The following GRID2IP variants were observed in gnomAD, a reference collection of about 807,000 sequenced individuals.
The protein encoded by GRID2IP is Grid2 interacting protein.
In GRID2IP, 78 loss-of-function variants were observed where a neutral mutation model predicts 114.3. The observed-to-expected ratio is 0.68, with a 90% CI of 0.57 to 0.82. The LOEUF (loss-of-function observed/expected upper bound fraction) is 0.82, where lower values mean the gene tolerates loss of function less well. GRID2IP is among the 40% of genes least tolerant of loss of function. The pLI is 0.00. For missense variants in GRID2IP, 1,727 were observed against 1,678.5 expected (o/e 1.03, Z -0.51); for synonymous variants, 809 against 724.0 (o/e 1.12, Z -1.89).
intron 1 of GRID2IP, among the ~76,000 whole-genome samples, chr7:6,541,127 C>T (rs1176783425): frequency 8.6e-5 from 13 of 151,928 alleles, no homozygotes; most frequent in Non-Finnish European, 1.9e-4. Flanking sequence ...TCAAGTGATC[C>T]TTCCACCACG....
At chr7:6,517,305 T>C (rs577169303) in intron 7 of GRID2IP, among the ~76,000 whole-genome samples, 337 of 151,690 alleles carry the variant, frequency 2.2e-3, no homozygotes, top group Non-Finnish European at 3.7e-3. Context: ...GATCTGCCCA[T>C]CTCAGCCTCC....
chr7:6,529,731 C>T (rs910651094), intron 2 of GRID2IP, among the ~76,000 whole-genome samples: 12 of 152,132 alleles, frequency 7.9e-5, no homozygotes, highest in Non-Finnish European at 1.5e-4. Context: ...TCACTATCCC[C>T]CCTGAGTGGC....
rs1779690431 is a variant in GRID2IP at position 6,534,472 on chromosome 7, A to G, written c.584+5246T>C. ...AATTAGCCTCCCAGTCGCAGGATTA[A>G]CTGTTGTGGTGAAGGAATAGGAGAC... is the stretch of plus-strand genomic sequence containing the variant. On this transcript the variant is annotated intron_variant, in intron 2 of 21. Transcript: ENST00000457091. This position sits in a 1 kb window ranked among gnomAD's most constrained non-coding sequence, Gnocchi z 4.5. 6.6e-6 allele frequency among the ~76,000 whole-genome samples: 1 copy of G among 152,120 alleles called. No homozygotes were observed. Among genetic ancestry groups the G allele is most frequent in the African/African-American group, 2.4e-5 (1 of 41,422 alleles).
intron 1 of GRID2IP, among the ~76,000 whole-genome samples, chr7:6,547,665 G>A (rs1279947500): frequency 2.6e-5 from 4 of 152,186 alleles, no homozygotes; most frequent in African/African-American, 7.2e-5. Flanking sequence ...TAGGGAAGCT[G>A]GAGTTGAGTC....
In GRID2IP at chr7:6,509,302, G is replaced by T; in HGVS notation, c.1783C>A (p.Leu595Met). ...TCGCTGGGCCATGAGACGCCGGACA[G>T]GGTCCTGGGCCCTGGAGGAGGGATG... ...SPAVTTGPRTLSGVSWPSERL... is the reference protein window; with the variant it reads ...SPAVTTGPRTMSGVSWPSERL... Residue 595 changes from leucine to methionine, a missense_variant, in exon 12 of 22, where the codon CTG becomes ATG. Coordinates refer to ENST00000457091, the MANE Select transcript of GRID2IP (RefSeq NM_001145118.2). The surrounding 1 kb of genome is among the most constrained non-coding windows in gnomAD (Gnocchi z 4.9). 1 of 1,518,864 alleles carries T rather than the reference G, an allele frequency of 6.6e-7. No individual in the cohort carries two copies. Among genetic ancestry groups the T allele is most frequent in the Non-Finnish European group, 8.8e-7 (1 of 1,131,288 alleles). The allele number at this position is 1,518,864 out of a possible 1,614,324, so 94.1% of individuals were successfully genotyped here. A position where few individuals can be genotyped will look rare whatever the true frequency, so the allele number is the denominator to read the frequency against.
rs868081740 is a variant in GRID2IP at position 6,508,182 on chromosome 7, C to A, written c.2347G>T (p.Ala783Ser). Residue 783 changes from alanine to serine, a missense_variant, in exon 13 of 22, where the codon GCG (alanine) becomes TCG (serine). By Grantham distance (99) the Ala-to-Ser change is moderately conservative. Transcript: ENST00000457091. This position sits in a 1 kb window ranked among gnomAD's most constrained non-coding sequence, Gnocchi z 5.6. ...AGTTGGGTGAGGGGCTTGGCCAGCG[C>A]CTGAGCAGGGCCCCGGGAACCATCA... ...SSDGSRGPAQ[A>S]LAKPLTQLSH... The A allele has an allele frequency of 9.3e-6, 14 of 1,511,170 alleles. No homozygotes were observed. In the South Asian group the frequency reaches 1.7e-4, roughly 18 times the overall value. The allele number at this position is 1,511,170 out of a possible 1,614,324, so 93.6% of individuals were successfully genotyped here.
intron 1 of GRID2IP, among the ~76,000 whole-genome samples, chr7:6,546,892 G>T (rs977324358): frequency 6.6e-6 from 1 of 152,076 alleles, no homozygotes. Context: ...TAGACCTTTG[G>T]CTCCATGGCA....
At position 6,506,087 on chromosome 7, in the gene GRID2IP, G is replaced by C. The variant is rs1316090651; in HGVS notation, c.2545-180C>G. On this transcript the variant is annotated intron_variant, in intron 13 of 21. Transcript: ENST00000457091. The surrounding 1 kb of genome is among the most constrained non-coding windows in gnomAD (Gnocchi z 5.2). ...AGAAGCCAGATCATCCGAGTCACCG[G>C]GTGCTGAGCCAGCGCCTCCTGGGGT... 6.6e-6 allele frequency among the ~76,000 whole-genome samples: 1 copy of C among 152,226 alleles called. No homozygotes were observed. Among genetic ancestry groups the C allele is most frequent in the Admixed American group, 6.5e-5 (1 of 15,284 alleles).
chr7:6,548,337 G>A (rs1028816749), intron 1 of GRID2IP, among the ~76,000 whole-genome samples: 2 of 151,946 alleles, frequency 1.3e-5, no homozygotes, highest in African/African-American at 2.4e-5. Context: ...GCAACAGAGC[G>A]AGACTCTGGC....
At chr7:6,515,301 A>C (rs1206869119) in intron 7 of GRID2IP, among the ~76,000 whole-genome samples, 1 of 151,960 alleles carries the variant, frequency 6.6e-6, no homozygotes, top group Non-Finnish European at 1.5e-5. Context: ...CTCTCTACTA[A>C]AAATACAAAA....
chr7:6,517,199 C>T (rs900513296), intron 7 of GRID2IP, among the ~76,000 whole-genome samples: 11 of 151,704 alleles, frequency 7.3e-5, no homozygotes, highest in Admixed American at 1.3e-4. Context: ...GGACTACAGG[C>T]GCCTGCCACC....
Position 6,511,035 on chromosome 7 carries a change from C to T in GRID2IP, c.1428G>A (p.Glu476=), listed in dbSNP as rs1355297267. The stretch of plus-strand genomic sequence containing the variant: ...ACTCCAGGTCCAGCTCAGGCTCCGG[C>T]TCTGCTGTGGGACATGCAGGGAACA... The part of the protein sequence containing the change: ...CFLGYTAMTA[E]PEPELDLESE... Residue 476 remains glutamate, a synonymous_variant, in exon 9 of 22, where the codon GAG becomes GAA. Transcript: ENST00000457091. The T allele has an allele frequency of 2.8e-6, 4 of 1,452,224 alleles. No homozygotes were observed. The highest frequency in any genetic ancestry group is 2.7e-6 in the Non-Finnish European group (3 of 1,100,464). 90.0% of individuals were successfully genotyped at this position (1,452,224 alleles called of 1,614,324 possible).
chr7:6,503,944 G>T (rs1786497101), intron 15 of GRID2IP, among the ~76,000 whole-genome samples: 2 of 151,836 alleles, frequency 1.3e-5, no homozygotes, highest in Non-Finnish European at 2.9e-5. Flanking sequence ...AAAGGGGGCG[G>T]GGCCGCTCGG....
Position 6,508,620 on chromosome 7 carries a change from C to T in GRID2IP, c.2128-219G>A, listed in dbSNP as rs529166941. On this transcript the variant is annotated intron_variant, in intron 12 of 21. Coordinates refer to ENST00000457091, the MANE Select transcript of GRID2IP (RefSeq NM_001145118.2). This position sits in a 1 kb window ranked among gnomAD's most constrained non-coding sequence, Gnocchi z 5.6. ...GCCTGGGCTAAGGATAGGACCCTCT[C>T]ATGGGTAAGCCTCAGGCTGTGAGGG... Among the ~76,000 whole-genome samples, 9 of 136,440 alleles carry T rather than the reference C, an allele frequency of 6.6e-5. No homozygotes were observed. The highest frequency in any genetic ancestry group is 1.2e-4 in the Non-Finnish European group (7 of 57,330). 89.5% of individuals were successfully genotyped at this position (136,440 alleles called of 152,430 possible).
At chr7:6,531,426 C>G (rs2115087127) in intron 2 of GRID2IP, among the ~76,000 whole-genome samples, 2 of 152,352 alleles carry the variant, frequency 1.3e-5, no homozygotes, top group South Asian at 4.1e-4. Flanking sequence ...TCCTCTCCAG[C>G]TACTGCGCCC....
chr7:6,506,681 A>AT lies in GRID2IP; in HGVS notation c.2545-775dup, dbSNP rs1209965102. ...ATTTGTGCCCTTGTCTCACTGAGGT[A>AT]TTTTTTTTTTTTTTTTTTTAGATAG... On this transcript the variant is annotated intron_variant, in intron 13 of 21. Transcript: ENST00000457091. The surrounding 1 kb of genome is among the most constrained non-coding windows in gnomAD (Gnocchi z 5.2). 1.3e-3 allele frequency among the ~76,000 whole-genome samples: 177 copies of AT among 134,028 alleles called. 3 individuals are homozygous for AT. The South Asian group carries it at 0.023, about 17-fold the overall frequency. The allele number at this position is 134,028 out of a possible 152,430, so 87.9% of individuals were successfully genotyped here.
intron 20 of GRID2IP, among the ~76,000 whole-genome samples, chr7:6,501,400 A>T (rs1008119432): frequency 2.0e-5 from 3 of 152,094 alleles, no homozygotes; most frequent in South Asian, 2.1e-4. Context: ...ATAAATAAAT[A>T]AATTTATAAT....
intron 2 of GRID2IP, among the ~76,000 whole-genome samples, chr7:6,538,192 C>A (rs1417307593): frequency 6.6e-6 from 1 of 151,926 alleles, no homozygotes; most frequent in Non-Finnish European, 1.5e-5. Context: ...CATGGCGAAA[C>A]CTCATCTCTA....
chr7:6,499,646 G>C (rs1200385023), intron 20 of GRID2IP, among the ~76,000 whole-genome samples: 1 of 152,062 alleles, frequency 6.6e-6, no homozygotes, highest in Admixed American at 6.5e-5. Flanking sequence ...GGCCAGGCTG[G>C]TCCCAAACTC....
Sources: allele counts gnomAD v4.1 joint callset (sites outside exome capture counted in the v4.1 genomes callset), GRCh38; gene constraint gnomAD v4.1.1; non-coding constraint Gnocchi (gnomAD v3.1); transcripts MANE v1.5; gene names NCBI Gene and HGNC (gene_info 2026-07-23, HGNC 2026-07-21).